VAV2: variants seen among roughly 807,000 people sequenced by gnomAD.
The protein encoded by VAV2 is guanine nucleotide exchange factor VAV2.
Under a neutral mutation model 132.5 loss-of-function variants are expected in VAV2, and 67 were observed. The observed-to-expected ratio is 0.51, with a 90% confidence interval of 0.42 to 0.62. The LOEUF (loss-of-function observed/expected upper bound fraction) is 0.62, where lower values mean the gene tolerates loss of function less well. VAV2 is among the 20% of genes least tolerant of loss of function. The probability of loss-of-function intolerance (pLI) is 0.00; values close to 1 mark genes in which losing one functional copy is unlikely to be tolerated. For missense variants in VAV2, 938 were observed against 1,153.6 expected, an observed-to-expected ratio of 0.81 and a Z score of 2.71; for synonymous variants, 492 against 443.5, an observed-to-expected ratio of 1.11 and a Z score of -1.37.
intron 19 of VAV2, 89 bp downstream of exon 19, chr9:133,783,414 G>T: frequency 7.5e-7 from 1 of 1,339,550 alleles, no homozygotes. Flanking sequence ...CGTGGGAGAT[G>T]GTGCCCGAGG....
Position 133,887,911 on chromosome 9 carries a change from G to A in VAV2, c.322-26479C>T, listed in dbSNP as rs149080377. Among the ~76,000 whole-genome samples, 33 of 152,232 alleles carry A rather than the reference G, an allele frequency of 2.2e-4. No homozygotes were observed. The South Asian group carries it at 6.0e-3, about 28-fold the overall frequency. Reference sequence around the variant, plus strand: ...AGGAAAGACGAGGCGCATTCACAGCGACCCTCTTCCACGTAGAGCAACGCA... The same window carrying A: ...AGGAAAGACGAGGCGCATTCACAGCAACCCTCTTCCACGTAGAGCAACGCA... On this transcript the variant is annotated intron_variant, in intron 2 of 29. Transcript: ENST00000371850.
chr9:133,778,469 C>T (rs1833893102), intron 22 of VAV2, among the ~76,000 whole-genome samples: 1 of 152,176 alleles, frequency 6.6e-6, no homozygotes, highest in African/African-American at 2.4e-5. Flanking sequence ...GGAGAAAGGC[C>T]TTGGGTGCCA....
In VAV2 at chr9:133,823,771, G is replaced by C. The variant is rs1588227110; in HGVS notation, c.449+10501C>G. Reference sequence around the variant, plus strand: ...GCAGAGACTGCATTAAATGAGACCAGAGAGTTGCTGTGACCGAATCAGTCC... The same window carrying C: ...GCAGAGACTGCATTAAATGAGACCACAGAGTTGCTGTGACCGAATCAGTCC... On this transcript the variant is annotated intron_variant, in intron 4 of 29. Transcript: ENST00000371850. The surrounding 1 kb of genome is among the most constrained non-coding windows in gnomAD (Gnocchi z 5.5). Among the ~76,000 whole-genome samples the C allele has an allele frequency of 6.6e-6, 1 of 152,202 alleles. No homozygotes were observed. Among genetic ancestry groups the C allele is most frequent in the East Asian group, 1.9e-4 (1 of 5,194 alleles).
At chr9:133,785,684 C>T in intron 17 of VAV2, 92 bp downstream of exon 17, 3 of 1,286,000 alleles carry the variant, frequency 2.3e-6, no homozygotes, top group East Asian at 2.4e-5. Flanking sequence ...CGCCCCTGGT[C>T]TGAGAGGAAC....
intron 2 of VAV2, among the ~76,000 whole-genome samples, chr9:133,937,948 C>T (rs941041123): frequency 6.6e-5 from 10 of 152,202 alleles, no homozygotes; most frequent in South Asian, 4.1e-4. Flanking sequence ...ATTCCAGGAG[C>T]GAGGAAGGGA....
rs1228784916 is a variant in VAV2 at position 133,844,125 on chromosome 9, C to G, written c.381-9785G>C. Among the ~76,000 whole-genome samples the G allele has an allele frequency of 3.9e-5, 6 of 152,326 alleles. No individual in the cohort carries two copies. The South Asian group carries it at 1.2e-3, about 32-fold the overall frequency. On this transcript the variant is annotated intron_variant, in intron 3 of 29. Transcript: ENST00000371850. ...GATCTCACAGGCGGAAAGAAATGCT[C>G]GGTCCCCTGCCCCCTCTACTTTGTC...
chr9:133,784,787 G>A (rs1161008920), intron 17 of VAV2, among the ~76,000 whole-genome samples: 1 of 152,084 alleles, frequency 6.6e-6, no homozygotes, highest in Non-Finnish European at 1.5e-5. Flanking sequence ...AATTTCAGAA[G>A]CTAAACAAAT....
chr9:133,783,394 G>A, intron 19 of VAV2, 109 bp downstream of exon 19: 1 of 1,063,624 alleles, frequency 9.4e-7, no homozygotes. Context: ...CCCTCATCTG[G>A]TCGCTGCCCC....
At chr9:133,830,207 G>A (rs1836210697) in intron 4 of VAV2, among the ~76,000 whole-genome samples, 1 of 152,142 alleles carries the variant, frequency 6.6e-6, no homozygotes, top group Non-Finnish European at 1.5e-5. Context: ...GACATTCAAG[G>A]TGACCTTCAT....
chr9:133,869,278 A>G (rs1837931812), intron 2 of VAV2, among the ~76,000 whole-genome samples: 1 of 152,078 alleles, frequency 6.6e-6, no homozygotes, highest in African/African-American at 2.4e-5. Flanking sequence ...AGGAGCCACC[A>G]CACCCAGTCC....
In VAV2 at chr9:133,804,385, T is replaced by C. The variant is rs1835055436; in HGVS notation, c.836+1696A>G. On this transcript the variant is annotated intron_variant, in intron 9 of 29. Transcript: ENST00000371850. The surrounding 1 kb of genome is among the most constrained non-coding windows in gnomAD (Gnocchi z 4.5). Reference sequence around the variant, plus strand: ...CTTGGGCTGGGCCTGTGACTGGACGTGCTGCCCGCACTGCAGTGGCGCTCC... The same window carrying C: ...CTTGGGCTGGGCCTGTGACTGGACGCGCTGCCCGCACTGCAGTGGCGCTCC... Among the ~76,000 whole-genome samples the C allele has an allele frequency of 6.6e-6, 1 of 152,212 alleles. No homozygotes were observed. Among genetic ancestry groups the C allele is most frequent in the Non-Finnish European group, 1.5e-5 (1 of 68,030 alleles).
chr9:133,949,209 C>T (rs1841472872), intron 1 of VAV2, among the ~76,000 whole-genome samples: 2 of 152,202 alleles, frequency 1.3e-5, no homozygotes, highest in Admixed American at 1.3e-4. Flanking sequence ...CAAGTCAGAC[C>T]CACAGAGGCA....
chr9:133,773,118 C>G (rs1046761423), intron 25 of VAV2, among the ~76,000 whole-genome samples: 1 of 139,474 alleles, frequency 7.2e-6, no homozygotes, highest in Non-Finnish European at 1.6e-5. Context: ...CTGCACACCC[C>G]ACACCTAGGC....
chr9:133,905,677 G>A (rs1030569773), intron 2 of VAV2, among the ~76,000 whole-genome samples: 3 of 152,086 alleles, frequency 2.0e-5, no homozygotes, highest in African/African-American at 7.2e-5. Context: ...TGGACAATGG[G>A]GCCTGAAGAC....
intron 2 of VAV2, among the ~76,000 whole-genome samples, chr9:133,889,234 G>A (rs1838834302): frequency 6.6e-6 from 1 of 152,226 alleles, no homozygotes; most frequent in South Asian, 2.1e-4. Flanking sequence ...CCTCGTCCAG[G>A]AAACTAGAGT....
rs1275107387 is a variant in VAV2, at chr9:133,826,694, C to T, written c.449+7578G>A. ...GGCTAAATAAAGCTTGGTCTCATGTCCATGTCCTTCCTTTGGCCTCTCTTC... is the reference window on the plus strand; with the variant it reads ...GGCTAAATAAAGCTTGGTCTCATGTTCATGTCCTTCCTTTGGCCTCTCTTC... On this transcript the variant is annotated intron_variant, in intron 4 of 29. Transcript: ENST00000371850. This position sits in a 1 kb window ranked among gnomAD's most constrained non-coding sequence, Gnocchi z 4.2. Among the ~76,000 whole-genome samples, 1 of 152,184 alleles carries T rather than the reference C, an allele frequency of 6.6e-6. No homozygotes were observed. Among genetic ancestry groups the T allele is most frequent in the Non-Finnish European group, 1.5e-5 (1 of 68,034 alleles).
chr9:133,855,662 G>T (rs189846347), intron 3 of VAV2, among the ~76,000 whole-genome samples: 127 of 152,374 alleles, frequency 8.3e-4, no homozygotes, highest in Non-Finnish European at 1.5e-3. Context: ...CACATGGGAA[G>T]ACCAAAAGGT....
intron 3 of VAV2, among the ~76,000 whole-genome samples, chr9:133,845,853 C>T (rs1836913862): frequency 6.6e-6 from 1 of 152,172 alleles, no homozygotes. Flanking sequence ...CCAGGAGAGC[C>T]CTGGTCAACC....
intron 1 of VAV2, among the ~76,000 whole-genome samples, chr9:133,977,613 C>T (rs1318876504): frequency 1.3e-5 from 2 of 152,206 alleles, no homozygotes; most frequent in African/African-American, 4.8e-5. Flanking sequence ...CATCCCCATC[C>T]ACGACAGCTG....
Sources: allele counts gnomAD v4.1 joint callset (sites outside exome capture counted in the v4.1 genomes callset), GRCh38; gene constraint gnomAD v4.1.1; non-coding constraint Gnocchi (gnomAD v3.1); transcripts MANE v1.5; gene names NCBI Gene and HGNC (gene_info 2026-07-23, HGNC 2026-07-21).